ZNF804B: variants seen among roughly 807,000 people sequenced by gnomAD.
ZNF804B encodes zinc finger 804B.
ZNF804B carries 80 observed loss-of-function variants against 101.4 expected under a neutral mutation model. The observed-to-expected ratio is 0.79, with a 90% CI of 0.66 to 0.95. The LOEUF (loss-of-function observed/expected upper bound fraction) is 0.95, where lower values mean the gene tolerates loss of function less well. ZNF804B is among the 40% of genes least tolerant of loss of function. The pLI, the probability that ZNF804B is intolerant of heterozygous loss-of-function variation, is 0.00. For missense variants in ZNF804B, 1,673 were observed against 1,561.9 expected, an observed-to-expected ratio of 1.07 and a Z score of -1.20; for synonymous variants, 622 against 558.8, an observed-to-expected ratio of 1.11 and a Z score of -1.59.
At position 88,760,003 on chromosome 7, in the gene ZNF804B, G is replaced by A. The variant is rs770892623; in HGVS notation, c.27G>A (p.Ser9=). The change falls in exon 1 of 4, where the codon TCG becomes TCA. Residue 9 remains serine (S), a synonymous_variant. Coordinates refer to ENST00000333190, the MANE Select transcript of ZNF804B (RefSeq NM_181646.5). The part of the protein sequence containing the change: MACYLVIS[S]RHLSNGHYRG... ...TGGCTTGTTACCTGGTCATCAGTTC[G>A]AGACATCTCAGCAATGGGCACTACC... 1 of 1,614,058 alleles carries A rather than the reference G, an allele frequency of 6.2e-7. No homozygotes were observed. Among genetic ancestry groups the A allele is most frequent in the East Asian group, 2.2e-5 (1 of 44,872 alleles).
At chr7:89,212,289 A>AC (rs374526010) in intron 1 of ZNF804B, among the ~76,000 whole-genome samples, 35,315 of 93,888 alleles carry the variant, frequency 0.38, 4,695 homozygotes, top group African/African-American at 0.48. Flanking sequence ...ACACACACAC[A>AC]AACAGACTGC....
intron 1 of ZNF804B, among the ~76,000 whole-genome samples, chr7:88,854,470 T>TC (rs1491271803): frequency 2.7e-4 from 28 of 102,882 alleles, no homozygotes; most frequent in African/African-American, 4.4e-4. Flanking sequence ...TTTCTTTCTT[T>TC]CTTTCTCTTT....
chr7:89,162,260 G>T (rs1398749990), intron 1 of ZNF804B, among the ~76,000 whole-genome samples: 1 of 152,038 alleles, frequency 6.6e-6, no homozygotes, highest in Non-Finnish European at 1.5e-5. Context: ...TCCCCAATGA[G>T]TTCTGAAGAT....
chr7:89,303,434 G>A (rs952741852), intron 2 of ZNF804B, among the ~76,000 whole-genome samples: 3 of 151,888 alleles, frequency 2.0e-5, no homozygotes, highest in African/African-American at 7.2e-5. Flanking sequence ...TACACAAAAA[G>A]TTAATCAGAG....
chr7:88,943,194 T>TA (rs113735684), intron 1 of ZNF804B, among the ~76,000 whole-genome samples: 11 of 152,074 alleles, frequency 7.2e-5, no homozygotes, highest in African/African-American at 2.6e-4. Context: ...TTTTTGTTGT[T>TA]ACAGAAAAGG....
chr7:88,798,480 T>G (rs2115703848), intron 1 of ZNF804B, among the ~76,000 whole-genome samples: 1 of 152,228 alleles, frequency 6.6e-6, no homozygotes, highest in African/African-American at 2.4e-5. Flanking sequence ...TGGTTCAAAC[T>G]AATACATTCA....
chr7:89,028,287 A>G (rs193208451), intron 1 of ZNF804B, among the ~76,000 whole-genome samples: 446 of 152,250 alleles, frequency 2.9e-3, no homozygotes, highest in Middle Eastern at 0.01. Context: ...CTTGTGAAAT[A>G]GAAAGCAGTC....
At chr7:88,995,198 G>A (rs1449440118) in intron 1 of ZNF804B, among the ~76,000 whole-genome samples, 1 of 152,028 alleles carries the variant, frequency 6.6e-6, no homozygotes, top group African/African-American at 2.4e-5. Flanking sequence ...GTAGGAGGAA[G>A]GCTCTTTGAT....
chr7:89,039,652 T>A (rs1376316730), intron 1 of ZNF804B, among the ~76,000 whole-genome samples: 4 of 38,302 alleles, frequency 1.0e-4, no homozygotes, highest in Non-Finnish European at 2.6e-4. Context: ...TTCAAGTGTC[T>A]TTTTTTTTTC....
intron 1 of ZNF804B, among the ~76,000 whole-genome samples, chr7:89,171,414 T>TCTTCTTCTTCTC (rs1791234094): frequency 1.0e-5 from 1 of 97,536 alleles, no homozygotes; most frequent in Non-Finnish European, 2.4e-5. Context: ...TTCTTCTTCT[T>TCTTCTTCTTCTC]CTTCTCCTTC....
At chr7:88,983,696 A>C (rs975240280) in intron 1 of ZNF804B, among the ~76,000 whole-genome samples, 26 of 152,220 alleles carry the variant, frequency 1.7e-4, no homozygotes, top group African/African-American at 6.3e-4. Context: ...AGTTAAATAA[A>C]ACATATTAAA....
intron 2 of ZNF804B, among the ~76,000 whole-genome samples, chr7:89,255,883 AAAT>A (rs1162229418): frequency 6.6e-6 from 1 of 152,162 alleles, no homozygotes; most frequent in Non-Finnish European, 1.5e-5. Flanking sequence ...TAAAAGATAA[AAAT>A]AGGCATTTTG....
chr7:88,880,995 A>G (rs1018641829), intron 1 of ZNF804B, among the ~76,000 whole-genome samples: 24 of 152,088 alleles, frequency 1.6e-4, no homozygotes, highest in Non-Finnish European at 2.2e-4. Flanking sequence ...ACCATTGCAC[A>G]AAAGGCATCT....
intron 2 of ZNF804B, among the ~76,000 whole-genome samples, chr7:89,257,799 T>C (rs1386396360): frequency 6.6e-6 from 1 of 152,142 alleles, no homozygotes; most frequent in East Asian, 1.9e-4. Context: ...GTTTCTGTTA[T>C]TCCCTTCTTG....
intron 1 of ZNF804B, among the ~76,000 whole-genome samples, chr7:89,028,798 GT>G (rs1457601583): frequency 6.6e-6 from 1 of 152,106 alleles, no homozygotes; most frequent in African/African-American, 2.4e-5. Context: ...TCATAGGGTT[GT>G]TTTGTGGATT....
intron 1 of ZNF804B, among the ~76,000 whole-genome samples, chr7:89,056,481 G>A (rs1789297109): frequency 6.6e-6 from 1 of 152,138 alleles, no homozygotes. Flanking sequence ...AAGGAAAGGA[G>A]ACGTAAGGTC....
intron 2 of ZNF804B, among the ~76,000 whole-genome samples, chr7:89,261,222 T>C (rs543462879): frequency 1.1e-4 from 16 of 152,190 alleles, no homozygotes; most frequent in Admixed American, 4.6e-4. Flanking sequence ...AATAGAGCCA[T>C]GAATAATCCA....
chr7:89,259,805 C>T (rs2115809681), intron 2 of ZNF804B, among the ~76,000 whole-genome samples: 1 of 152,190 alleles, frequency 6.6e-6, no homozygotes, highest in Non-Finnish European at 1.5e-5. Context: ...CATGGTGAAA[C>T]CCTGTCTCTA....
chr7:89,010,974 A>T (rs1788451890), intron 1 of ZNF804B, among the ~76,000 whole-genome samples: 1 of 152,220 alleles, frequency 6.6e-6, no homozygotes, highest in Admixed American at 6.5e-5. Flanking sequence ...ATTATGTATT[A>T]GTCCATTCTC....
Sources: allele counts gnomAD v4.1 joint callset (sites outside exome capture counted in the v4.1 genomes callset), GRCh38; gene constraint gnomAD v4.1.1; transcripts MANE v1.5; gene names NCBI Gene and HGNC (gene_info 2026-07-23, HGNC 2026-07-21).